DBT: variants seen among roughly 807,000 people sequenced by gnomAD.
DBT encodes dihydrolipoamide branched chain transacylase E2, also known as lipoamide acyltransferase component of branched-chain alpha-keto acid dehydrogenase complex, mitochondrial.
A neutral mutation model predicts 51.3 loss-of-function variants in DBT; 40 were observed. The observed-to-expected ratio is 0.78, with a 90% confidence interval of 0.61 to 1.02. DBT has a LOEUF of 1.02. Among genes scored for constraint, DBT ranks in the 50% least tolerant of loss-of-function variants. The pLI is 0.00. For synonymous variants in DBT, 181 were observed against 190.4 expected (o/e 0.95, Z 0.41); for missense variants, 510 against 580.2 (o/e 0.88, Z 1.24).
intron 4 of DBT, among the ~76,000 whole-genome samples, chr1:100,226,131 A>G (rs1208187425): frequency 6.6e-6 from 1 of 152,200 alleles, no homozygotes; most frequent in Admixed American, 6.5e-5. Flanking sequence ...TGACATCCAT[A>G]GTACTGTTCA....
chr1:100,235,331 T>A lies in DBT; in HGVS notation c.251+105A>T, dbSNP rs151132097. ...ATGTGTTTATAAAGACGTTTCTCAA[T>A]TTAAATGGATTCCCACTATCCATTA... On this transcript the variant is annotated intron_variant, in intron 3 of 10. Coordinates refer to ENST00000370132, the MANE Select transcript of DBT (RefSeq NM_001918.5). The A allele has an allele frequency of 0.024, 15,499 of 635,018 alleles. 234 individuals are homozygous for A. The highest frequency in any genetic ancestry group is 0.034 in the South Asian group (1,770 of 52,678). 39.3% of individuals were successfully genotyped at this position (635,018 alleles called of 1,614,324 possible).
At chr1:100,205,994 T>G (rs996726431) in intron 10 of DBT, among the ~76,000 whole-genome samples, 11 of 149,886 alleles carry the variant, frequency 7.3e-5, no homozygotes, top group African/African-American at 2.7e-4. Context: ...GGTTGATGGG[T>G]GCAGCAAACC....
rs1420498984 is a variant in DBT, at chr1:100,187,838, T to G, written c.*8417A>C. The G allele has an allele frequency of 6.6e-6, 1 of 152,198 alleles. No individual in the cohort carries two copies. 9.4% of individuals were successfully genotyped at this position (152,198 alleles called of 1,614,324 possible). A position where few individuals can be genotyped will look rare whatever the true frequency, so the allele number is the denominator to read the frequency against. ...ATTTTATGGAATGTTTAATATCTTG[T>G]AAATGTGGAAGCTGTGACAAATTTT... On this transcript the variant is annotated 3_prime_UTR_variant, in exon 11 of 11. Coordinates refer to ENST00000370132, the MANE Select transcript of DBT (RefSeq NM_001918.5).
rs955592839 is a variant in DBT, at chr1:100,188,171, C to T, written c.*8084G>A. On this transcript the variant is annotated 3_prime_UTR_variant, in exon 11 of 11. Coordinates refer to ENST00000370132, the MANE Select transcript of DBT (RefSeq NM_001918.5). ...AACCTTTGGTTTGCAGAGTTGTTAGCGTAGTGGCTCGGCTCATCAGCTCTG... is the reference window on the plus strand; with the variant it reads ...AACCTTTGGTTTGCAGAGTTGTTAGTGTAGTGGCTCGGCTCATCAGCTCTG... The T allele has an allele frequency of 3.3e-5, 5 of 152,160 alleles. No homozygotes were observed. Among genetic ancestry groups the T allele is most frequent in the African/African-American group, 1.2e-4 (5 of 41,426 alleles). 9.4% of individuals were successfully genotyped at this position (152,160 alleles called of 1,614,324 possible).
intron 4 of DBT, among the ~76,000 whole-genome samples, chr1:100,220,803 C>G (rs1165247102): frequency 6.6e-6 from 1 of 152,152 alleles, no homozygotes; most frequent in African/African-American, 2.4e-5. Flanking sequence ...TAGTTCATAG[C>G]CCTAGTAAAT....
chr1:100,230,801 T>G lies in DBT; in HGVS notation c.365A>C (p.Tyr122Ser). 3.1e-6 allele frequency: 5 copies of G among 1,610,798 alleles called. No homozygotes were observed. The highest frequency in any genetic ancestry group is 4.2e-6 in the Non-Finnish European group (5 of 1,177,234). Residue 122 changes from tyrosine to serine, a missense_variant, in exon 4 of 11, where the codon TAT becomes TCT. Tyr to Ser is a moderately radical substitution (Grantham distance 144). Coordinates refer to ENST00000370132, the MANE Select transcript of DBT (RefSeq NM_001918.5). ...SRYDGVIKKL[Y>S]YNLDDIAYVG... ...ATAGGCAATATCGTCTAGATTATAATAGAGTTTTTTAATGACTCCATCATA... is the reference window on the plus strand; with the variant it reads ...ATAGGCAATATCGTCTAGATTATAAGAGAGTTTTTTAATGACTCCATCATA...
intron 1 of DBT, among the ~76,000 whole-genome samples, chr1:100,241,701 T>G (rs1362854090): frequency 6.6e-6 from 1 of 152,098 alleles, no homozygotes; most frequent in African/African-American, 2.4e-5. Flanking sequence ...CAGGCCATAA[T>G]ATCTTATTTG....
intron 10 of DBT, 126 bp from the exon 11 acceptor site, chr1:100,196,548 A>T: frequency 7.2e-7 from 1 of 1,392,454 alleles, no homozygotes. Context: ...ACAGTACAGA[A>T]AAAAATGGGC....
intron 1 of DBT, among the ~76,000 whole-genome samples, chr1:100,248,827 AC>A (rs61011546): frequency 0.023 from 3,478 of 152,040 alleles, 126 homozygotes; most frequent in African/African-American, 0.079. Flanking sequence ...AACTCCTCTG[AC>A]CCCCAAGTCC....
At chr1:100,198,308 A>G (rs1464476482) in intron 10 of DBT, among the ~76,000 whole-genome samples, 1 of 152,218 alleles carries the variant, frequency 6.6e-6, no homozygotes, top group Non-Finnish European at 1.5e-5. Flanking sequence ...TCACAGAGAC[A>G]GAAAATAGAA....
At chr1:100,222,014 T>C (rs1357761932) in intron 4 of DBT, among the ~76,000 whole-genome samples, 1 of 152,176 alleles carries the variant, frequency 6.6e-6, no homozygotes, top group Non-Finnish European at 1.5e-5. Flanking sequence ...TAAACTTTAG[T>C]TCCTGTCCGA....
chr1:100,210,640 C>T (rs946349950), intron 8 of DBT, 54 bp downstream of exon 8: 133 of 1,610,158 alleles, frequency 8.3e-5, no homozygotes, highest in Non-Finnish European at 1.1e-4. Flanking sequence ...TCTACAAGCA[C>T]ATTTGCCCCA....
chr1:100,218,770 C>T (rs758805458), intron 4 of DBT, 23 bp from the exon 5 acceptor site: 1 of 1,611,408 alleles, frequency 6.2e-7, no homozygotes, highest in South Asian at 1.1e-5. Flanking sequence ...TAAAACTTAA[C>T]TTCAGTTGAA....
intron 1 of DBT, among the ~76,000 whole-genome samples, chr1:100,247,304 G>C (rs1388629233): frequency 6.6e-6 from 1 of 152,198 alleles, no homozygotes; most frequent in Non-Finnish European, 1.5e-5. Flanking sequence ...AAGACCACTG[G>C]AGGCATATAA....
chr1:100,213,154 C>A (rs1662253071), intron 7 of DBT: 1 of 419,548 alleles, frequency 2.4e-6, no homozygotes, highest in Middle Eastern at 6.5e-4. Flanking sequence ...AAAGTGGAGA[C>A]AGTAATATTT....
At chr1:100,198,002 T>C (rs1461726581) in intron 10 of DBT, among the ~76,000 whole-genome samples, 2 of 152,156 alleles carry the variant, frequency 1.3e-5, no homozygotes, top group South Asian at 2.1e-4. Context: ...GAAAAAACCA[T>C]GGATAAAATG....
intron 7 of DBT, among the ~76,000 whole-genome samples, chr1:100,212,380 A>G (rs1332855659): frequency 7.0e-6 from 1 of 141,884 alleles, no homozygotes; most frequent in Non-Finnish European, 1.5e-5. Context: ...TACTAAGAAT[A>G]AAAAAAAATT....
chr1:100,249,704 AC>A, intron 1 of DBT, 65 bp downstream of exon 1: 1 of 1,510,896 alleles, frequency 6.6e-7, no homozygotes, highest in Non-Finnish European at 9.2e-7. Context: ...AAAGTAAAAC[AC>A]CACTCCTGGA....
chr1:100,246,964 A>C (rs1664575308), intron 1 of DBT, among the ~76,000 whole-genome samples: 1 of 152,222 alleles, frequency 6.6e-6, no homozygotes. Flanking sequence ...GAGTCTTTAA[A>C]GCAGAGGAAA....
Sources: gnomAD v4.1 joint callset for allele counts (sites outside exome capture counted in the v4.1 genomes callset) on GRCh38, gnomAD v4.1.1 for gene constraint, MANE v1.5 for transcripts, NCBI Gene and HGNC (gene_info 2026-07-23, HGNC 2026-07-21) for gene names.